HSD17B14: variants seen among roughly 807,000 people sequenced by gnomAD.
The protein encoded by HSD17B14 is L-fucose dehydrogenase.
A neutral mutation model predicts 32.2 loss-of-function variants in HSD17B14; 32 were observed. The ratio of observed to expected loss-of-function variants is 0.99; its 90% CI spans 0.75 to 1.33. The LOEUF is 1.33. HSD17B14 is among the 40% of genes most tolerant of loss of function. The pLI, the probability that HSD17B14 is intolerant of heterozygous loss-of-function variation, is 0.00. For synonymous variants in HSD17B14, 140 were observed against 155.4 expected (o/e 0.90, Z 0.74); for missense variants, 370 against 366.5 (o/e 1.01, Z -0.08).
intron 1 of HSD17B14, 39 bp from the exon 2 acceptor site, chr19:48,835,882 G>T (rs1356667507): frequency 6.2e-7 from 1 of 1,605,264 alleles, no homozygotes; most frequent in Non-Finnish European, 8.5e-7. Context: ...TCCGAGCCTT[G>T]GTTAAAGCCT....
Position 48,831,829 on chromosome 19 carries a change from C to T in HSD17B14, c.278-70G>A, listed in dbSNP as rs1599842738. The T allele has an allele frequency of 8.8e-6, 8 of 905,882 alleles. No individual in the cohort carries two copies. In the Admixed American group the frequency reaches 9.9e-5, roughly 11 times the overall value. The allele number at this position is 905,882 out of a possible 1,614,324, so 56.1% of individuals were successfully genotyped here. A position where few individuals can be genotyped will look rare whatever the true frequency, so the allele number is the denominator to read the frequency against. On this transcript the variant is annotated intron_variant, in intron 4 of 8. Transcript: ENST00000263278. ...ACACAGTTGCCCACGCCTGTAATCC[C>T]AGCACTTTGGGAGGCTGAGGCAGGC...
chr19:48,829,428 T>C (rs956537181), intron 5 of HSD17B14, among the ~76,000 whole-genome samples: 8 of 151,944 alleles, frequency 5.3e-5, no homozygotes, highest in Non-Finnish European at 1.2e-4. Context: ...CTCAGCTCAC[T>C]GCAACCTCCA....
rs546663475 is a variant in HSD17B14 at position 48,824,286 on chromosome 19, G to A, written c.369+7382C>T. ...AACTAAAAAAAAAAAAAATTAGTCGGGTGCTGTGGCATGTATCTGTAGTCC... is the reference window on the plus strand; with the variant it reads ...AACTAAAAAAAAAAAAAATTAGTCGAGTGCTGTGGCATGTATCTGTAGTCC... On this transcript the variant is annotated intron_variant, in intron 5 of 8. Coordinates refer to ENST00000263278, the MANE Select transcript of HSD17B14 (RefSeq NM_016246.3). Among the ~76,000 whole-genome samples the A allele has an allele frequency of 7.0e-5, 5 of 71,518 alleles. No homozygotes were observed. In the Admixed American group the frequency reaches 7.2e-4, roughly 10 times the overall value. The allele number at this position is 71,518 out of a possible 152,430, so 46.9% of individuals were successfully genotyped here.
chr19:48,822,025 ATGG>A (rs1177495494), intron 5 of HSD17B14, among the ~76,000 whole-genome samples: 4 of 150,988 alleles, frequency 2.6e-5, no homozygotes, highest in Non-Finnish European at 4.4e-5. Flanking sequence ...GAGGATGGTG[ATGG>A]TGGTGATGGT....
chr19:48,836,174 C>G, intron 1 of HSD17B14, 150 bp downstream of exon 1: 2 of 794,288 alleles, frequency 2.5e-6, no homozygotes, highest in Admixed American at 5.4e-5. Context: ...TAGCCTACAG[C>G]GCCACACGCT....
chr19:48,826,127 A>G (rs1378783543), intron 5 of HSD17B14, among the ~76,000 whole-genome samples: 5 of 151,958 alleles, frequency 3.3e-5, no homozygotes, highest in Admixed American at 3.3e-4. Context: ...GCCCAACTTG[A>G]CCAACTTTCT....
intron 3 of HSD17B14, 128 bp downstream of exon 3, chr19:48,834,148 C>T: frequency 2.7e-6 from 2 of 729,326 alleles, no homozygotes; most frequent in East Asian, 5.1e-5. Context: ...TGGGTGGAAA[C>T]CTTTGACGAG....
intron 5 of HSD17B14, among the ~76,000 whole-genome samples, chr19:48,816,483 T>C (rs1017159624): frequency 6.6e-6 from 1 of 152,172 alleles, no homozygotes; most frequent in African/African-American, 2.4e-5. Context: ...GACCCACTCT[T>C]AGGGTGGCCA....
Position 48,836,455 on chromosome 19 carries a change from T to A in HSD17B14, c.-44A>T. The A allele has an allele frequency of 1.9e-6, 3 of 1,593,406 alleles. No homozygotes were observed. The highest frequency in any genetic ancestry group is 1.7e-6 in the Non-Finnish European group (2 of 1,164,206). ...TCTCTCTCTCTACTCTGGGCCTCTT[T>A]CACCTCCAAAGCCCCGTGAGGCCGT... On this transcript the variant is annotated 5_prime_UTR_variant, in exon 1 of 9. An upstream open reading frame in the 5' UTR gains an earlier in-frame stop. Coordinates refer to ENST00000263278, the MANE Select transcript of HSD17B14 (RefSeq NM_016246.3).
intron 5 of HSD17B14, among the ~76,000 whole-genome samples, chr19:48,823,452 A>G (rs2035192276): frequency 6.6e-6 from 1 of 152,166 alleles, no homozygotes; most frequent in African/African-American, 2.4e-5. Context: ...GGAGATGCTT[A>G]CTAACGTGTT....
chr19:48,815,970 A>G (rs951372557), intron 5 of HSD17B14, among the ~76,000 whole-genome samples: 4 of 150,778 alleles, frequency 2.7e-5, no homozygotes, highest in African/African-American at 4.9e-5. Flanking sequence ...GCAGTGAGCC[A>G]AGATTGCGCT....
chr19:48,826,010 T>C (rs1025646530), intron 5 of HSD17B14, among the ~76,000 whole-genome samples: 8 of 151,664 alleles, frequency 5.3e-5, no homozygotes, highest in South Asian at 2.1e-4. Context: ...TTAGTAGAGA[T>C]GGGGTTTCAC....
chr19:48,835,748 G>C, intron 2 of HSD17B14, 57 bp downstream of exon 2: 1 of 1,578,760 alleles, frequency 6.3e-7, no homozygotes. Flanking sequence ...TAGGGGTCTG[G>C]ACCTCTGGGT....
Position 48,832,713 on chromosome 19 carries a change from A to C in HSD17B14, c.230T>G (p.Ile77Ser), listed in dbSNP as rs1599843705. The C allele has an allele frequency of 6.2e-7, 1 of 1,611,896 alleles. No individual in the cohort carries two copies. The highest frequency in any genetic ancestry group is 1.1e-5 in the South Asian group (1 of 90,720). The change falls in exon 4 of 9, where the codon ATC becomes AGC. Residue 77 changes from isoleucine (I) to serine (S), a missense_variant. By Grantham distance (142) the Ile-to-Ser change is moderately radical. Transcript: ENST00000263278. ...ACAATCCAGGCGGCCAAATCGGCGG[A>C]TGGTCTCAGAAACCAGGGTCTGAGG... ...DDVKTLVSET[I>S]RRFGRLDCVV...
chr19:48,826,542 T>TATATATATATATATACACACACACACAC, intron 5 of HSD17B14, among the ~76,000 whole-genome samples: 1 of 80,108 alleles, frequency 1.2e-5, no homozygotes, highest in African/African-American at 5.2e-5. Context: ...TATATATATA[T>TATATATATATATATACACACACACACAC]ACACACACAC....
chr19:48,814,243 G>A (rs988219036), intron 6 of HSD17B14, among the ~76,000 whole-genome samples: 1 of 151,408 alleles, frequency 6.6e-6, no homozygotes, highest in East Asian at 1.9e-4. Context: ...AAGTTAGCCG[G>A]GCACAGTGGC....
At chr19:48,833,547 C>T (rs763071790) in intron 3 of HSD17B14, among the ~76,000 whole-genome samples, 2 of 151,908 alleles carry the variant, frequency 1.3e-5, no homozygotes, top group Non-Finnish European at 2.9e-5. Flanking sequence ...CAAAAATTAG[C>T]CAGACACGGT....
intron 5 of HSD17B14, among the ~76,000 whole-genome samples, chr19:48,820,948 T>G (rs2035136769): frequency 1.3e-5 from 2 of 151,730 alleles, no homozygotes; most frequent in Non-Finnish European, 2.9e-5. Context: ...GTGATCTGCC[T>G]GCTTGGGCCT....
At chr19:48,832,753 C>CT (rs752563923) in intron 3 of HSD17B14, 21 bp from the exon 4 acceptor site, 14 of 1,585,778 alleles carry the variant, frequency 8.8e-6, no homozygotes, top group Admixed American at 7.0e-5. Flanking sequence ...AGGAAATGTC[C>CT]TTTGTTTTTT....
Sources: gnomAD v4.1 joint callset for allele counts (sites outside exome capture counted in the v4.1 genomes callset) on GRCh38, gnomAD v4.1.1 for gene constraint, MANE v1.5 for transcripts, NCBI Gene and HGNC (gene_info 2026-07-23, HGNC 2026-07-21) for gene names.